LRRC7: variants seen among roughly 807,000 people sequenced by gnomAD.
LRRC7 encodes the protein leucine rich repeat containing 7.
In LRRC7, 23 loss-of-function variants were observed where a neutral mutation model predicts 175.7. The observed-to-expected ratio is 0.13, with a 90% CI of 0.09 to 0.19. The LOEUF is 0.19. LRRC7 is among the 10% of genes least tolerant of loss of function. The pLI is 1.00. For synonymous variants in LRRC7, 685 were observed against 680.9 expected, an observed-to-expected ratio of 1.01 and a Z score of -0.09; for missense variants, 1,354 against 1,904.7, an observed-to-expected ratio of 0.71 and a Z score of 5.38.
chr1:69,875,487 G>T (rs1051605596), intron 7 of LRRC7, among the ~76,000 whole-genome samples: 16 of 151,888 alleles, frequency 1.1e-4, no homozygotes, highest in Non-Finnish European at 1.5e-4. Context: ...AAAAGTAAAA[G>T]GTTAAAATAA....
intron 2 of LRRC7, among the ~76,000 whole-genome samples, chr1:69,747,098 C>G (rs1669336191): frequency 6.6e-6 from 1 of 152,128 alleles, no homozygotes; most frequent in South Asian, 2.1e-4. Context: ...TCCAGTATGA[C>G]TTCATCTTAA....
At chr1:69,781,239 G>A (rs1673447347) in intron 3 of LRRC7, among the ~76,000 whole-genome samples, 1 of 151,918 alleles carries the variant, frequency 6.6e-6, no homozygotes, top group Non-Finnish European at 1.5e-5. Context: ...AATTCTTCTG[G>A]GGCCTGCGGC....
intron 1 of LRRC7, among the ~76,000 whole-genome samples, chr1:69,658,532 C>T (rs533951597): frequency 6.6e-6 from 1 of 152,052 alleles, no homozygotes; most frequent in Admixed American, 6.6e-5. Flanking sequence ...AACTGTAGAA[C>T]TTCAGCTCCT....
intron 26 of LRRC7, among the ~76,000 whole-genome samples, chr1:70,112,226 T>C (rs1463773852): frequency 1.3e-5 from 2 of 152,224 alleles, no homozygotes; most frequent in Non-Finnish European, 2.9e-5. Context: ...GAGTCATTAT[T>C]ATTGCACTTT....
intron 23 of LRRC7, among the ~76,000 whole-genome samples, chr1:70,070,705 T>C (rs1662317169): frequency 6.6e-6 from 1 of 152,228 alleles, no homozygotes; most frequent in Non-Finnish European, 1.5e-5. Flanking sequence ...CTTCTCATCA[T>C]TGCTAAGTGA....
chr1:69,856,432 C>A (rs561726463), intron 7 of LRRC7, among the ~76,000 whole-genome samples: 1 of 151,882 alleles, frequency 6.6e-6, no homozygotes, highest in African/African-American at 2.4e-5. Context: ...AAAGGAGATA[C>A]CACTACTGAT....
chr1:69,602,595 A>G lies in LRRC7; in HGVS notation c.2+33954A>G, dbSNP rs1278096143. Among the ~76,000 whole-genome samples, 4 of 152,304 alleles carry G rather than the reference A, an allele frequency of 2.6e-5. No homozygotes were observed. The East Asian group carries it at 5.8e-4, about 22-fold the overall frequency. ...TCTAGGGCTATCATAGCAAGTTGTC[A>G]CAAACTGGGTAGCTAAAACCAACAA... is the stretch of plus-strand genomic sequence containing the variant. On this transcript the variant is annotated intron_variant, in intron 1 of 26. Coordinates refer to ENST00000651989, the MANE Select transcript of LRRC7 (RefSeq NM_001370785.2).
intron 3 of LRRC7, among the ~76,000 whole-genome samples, chr1:69,762,378 T>G (rs1237683588): frequency 2.0e-5 from 3 of 152,040 alleles, no homozygotes; most frequent in Non-Finnish European, 4.4e-5. Flanking sequence ...ACTGAAGCAT[T>G]AGAGGCAAGT....
rs143814683 is a variant in LRRC7, at chr1:69,804,910, T to G, written c.421+12750T>G. Among the ~76,000 whole-genome samples the G allele has an allele frequency of 1.4e-3, 206 of 151,890 alleles. 2 individuals carry two copies. Among genetic ancestry groups the G allele is most frequent in the Admixed American group, 9.4e-3 (143 of 15,208 alleles). On this transcript the variant is annotated intron_variant, in intron 4 of 26. Transcript: ENST00000651989. The stretch of plus-strand genomic sequence containing the variant: ...CACCATAATGAATTATAAGATTTAA[T>G]TAGGCAGTGATTCTATTTCAAGTCT...
intron 2 of LRRC7, among the ~76,000 whole-genome samples, chr1:69,692,587 C>T (rs945909793): frequency 6.6e-6 from 1 of 152,148 alleles, no homozygotes; most frequent in Non-Finnish European, 1.5e-5. Context: ...AAACCAAGGC[C>T]TTGACCCTTC....
At chr1:69,693,694 T>C (rs1662197589) in intron 2 of LRRC7, among the ~76,000 whole-genome samples, 1 of 152,186 alleles carries the variant, frequency 6.6e-6, no homozygotes, top group Non-Finnish European at 1.5e-5. Flanking sequence ...ACCAACTATA[T>C]GGGCACCATA....
At chr1:69,731,843 G>A (rs1667613239) in intron 2 of LRRC7, among the ~76,000 whole-genome samples, 1 of 152,152 alleles carries the variant, frequency 6.6e-6, no homozygotes, top group African/African-American at 2.4e-5. Context: ...TTATGAAATA[G>A]GAGCTACATT....
In LRRC7 at chr1:69,871,848, T is replaced by C. The variant is rs1003766875; in HGVS notation, c.647+33565T>C. 3.3e-5 allele frequency among the ~76,000 whole-genome samples: 5 copies of C among 152,042 alleles called. No individual in the cohort carries two copies. In the East Asian group the frequency reaches 9.6e-4, roughly 29 times the overall value. On this transcript the variant is annotated intron_variant, in intron 7 of 26. Transcript: ENST00000651989. ...AAGTAATTTTTGTTCAAATAATCTA[T>C]GTATGTTCCCAGTGTACCTATTATA...
In LRRC7 at chr1:70,126,779, C is replaced by T. The variant is rs1236011990; in HGVS notation, c.*4892C>T. Reference sequence around the variant, plus strand: ...GAAATCTATTTTCCAAGATGCACCACTTGTACAAACTAAGGTAGATGCAAT... The same window carrying T: ...GAAATCTATTTTCCAAGATGCACCATTTGTACAAACTAAGGTAGATGCAAT... On this transcript the variant is annotated 3_prime_UTR_variant, in exon 27 of 27. Coordinates refer to ENST00000651989, the MANE Select transcript of LRRC7 (RefSeq NM_001370785.2). 6.6e-6 allele frequency among the ~76,000 whole-genome samples: 1 copy of T among 152,190 alleles called. No homozygotes were observed. Among genetic ancestry groups the T allele is most frequent in the East Asian group, 1.9e-4 (1 of 5,198 alleles).
chr1:70,076,503 C>G (rs953279823), intron 24 of LRRC7, among the ~76,000 whole-genome samples: 4 of 152,062 alleles, frequency 2.6e-5, no homozygotes, highest in African/African-American at 9.7e-5. Flanking sequence ...GTAAAATACC[C>G]ATTTTACAAA....
At chr1:69,706,124 G>A (rs1282028974) in intron 2 of LRRC7, among the ~76,000 whole-genome samples, 1 of 152,076 alleles carries the variant, frequency 6.6e-6, no homozygotes, top group South Asian at 2.1e-4. Flanking sequence ...TTGTCTTGAG[G>A]CTTAAATTAA....
chr1:70,106,744 T>A (rs960423870), intron 25 of LRRC7, among the ~76,000 whole-genome samples: 1 of 152,176 alleles, frequency 6.6e-6, no homozygotes, highest in African/African-American at 2.4e-5. Context: ...CAGAACCACT[T>A]GAAATTTCCC....
chr1:69,812,015 A>G (rs2101147074), intron 4 of LRRC7, among the ~76,000 whole-genome samples: 1 of 152,282 alleles, frequency 6.6e-6, no homozygotes, highest in East Asian at 1.9e-4. Context: ...TTGTTACCTG[A>G]GCATAACACT....
At chr1:69,608,628 C>A (rs1648046919) in intron 1 of LRRC7, among the ~76,000 whole-genome samples, 3 of 149,452 alleles carry the variant, frequency 2.0e-5, no homozygotes, top group African/African-American at 7.7e-5. Context: ...TTTACAGCTT[C>A]TTTAACAAAT....
Sources: gnomAD v4.1 joint callset for allele counts (sites outside exome capture counted in the v4.1 genomes callset) on GRCh38, gnomAD v4.1.1 for gene constraint, MANE v1.5 for transcripts, NCBI Gene and HGNC (gene_info 2026-07-23, HGNC 2026-07-21) for gene names.